The following C1orf105 variants were observed in gnomAD, a reference collection of about 807,000 sequenced individuals.
C1orf105 encodes chromosome 1 open reading frame 105.
In C1orf105, 17 loss-of-function variants were observed where a neutral mutation model predicts 20.8. The observed-to-expected ratio is 0.82, with a 90% CI of 0.56 to 1.23. The LOEUF (loss-of-function observed/expected upper bound fraction) is 1.23, where lower values mean the gene tolerates loss of function less well. Ranked by LOEUF, C1orf105 falls within the 50% of genes most tolerant of loss-of-function variation. C1orf105 has a pLI of 0.00. For missense variants in C1orf105, 219 were observed against 213.5 expected (o/e 1.03, Z -0.16); for synonymous variants, 72 against 72.1 (o/e 1.00, Z 0.01).
At chr1:172,462,091 CA>C in intron 4 of C1orf105, 86 bp from the exon 5 acceptor site, 2 of 1,002,264 alleles carry the variant, frequency 2.0e-6, no homozygotes, top group Admixed American at 4.4e-5. Context: ...ACATCAAATA[CA>C]ACACAAATTC....
chr1:172,447,784 A>G (rs1443209664), intron 2 of C1orf105, among the ~76,000 whole-genome samples: 1 of 152,222 alleles, frequency 6.6e-6, no homozygotes, highest in Non-Finnish European at 1.5e-5. Context: ...TATTTCTTGG[A>G]TGCCAGGGGC....
At chr1:172,468,368 G>T in intron 6 of C1orf105, 81 bp from the exon 7 acceptor site, 2 of 1,108,982 alleles carry the variant, frequency 1.8e-6, no homozygotes, top group Non-Finnish European at 2.5e-6. Flanking sequence ...AGTCTTTGTT[G>T]GCCTGTGGTT....
chr1:172,465,458 C>G, intron 6 of C1orf105, 95 bp downstream of exon 6: 2 of 945,642 alleles, frequency 2.1e-6, no homozygotes, highest in Non-Finnish European at 3.4e-6. Context: ...TCTAAATTTC[C>G]TGAGCAAATC....
chr1:172,467,255 G>C (rs1236059239), intron 6 of C1orf105, among the ~76,000 whole-genome samples: 1 of 152,184 alleles, frequency 6.6e-6, no homozygotes, highest in African/African-American at 2.4e-5. Flanking sequence ...CAAATGCCAA[G>C]TGACTGACTC....
chr1:172,441,574 C>G (rs944326714), intron 1 of C1orf105: 5 of 619,104 alleles, frequency 8.1e-6, no homozygotes, highest in Non-Finnish European at 1.3e-5. Context: ...AGCACCCTCA[C>G]CACCCAAGCC....
chr1:172,441,687 T>TAATC, intron 1 of C1orf105: 2 of 1,455,502 alleles, frequency 1.4e-6, no homozygotes, highest in Non-Finnish European at 1.9e-6. Context: ...GTTAGGAGGC[T>TAATC]AATCTATCAG....
chr1:172,439,444 G>A (rs2072145141), intron 1 of C1orf105, among the ~76,000 whole-genome samples: 1 of 152,066 alleles, frequency 6.6e-6, no homozygotes, highest in African/African-American at 2.4e-5. Context: ...TCTCCCCACA[G>A]CTACCACTTT....
At chr1:172,460,732 A>G (rs768259650) in intron 4 of C1orf105, among the ~76,000 whole-genome samples, 9 of 152,218 alleles carry the variant, frequency 5.9e-5, no homozygotes, top group Non-Finnish European at 8.8e-5. Flanking sequence ...AACAGAATGT[A>G]ATCAATATAA....
intron 1 of C1orf105, chr1:172,442,563 C>T (rs748493202): frequency 6.2e-7 from 1 of 1,614,094 alleles, no homozygotes; most frequent in South Asian, 1.1e-5. Flanking sequence ...AGGGCTGTCG[C>T]TCATACAAGA....
At chr1:172,429,875 C>T (rs914776647) in intron 1 of C1orf105, among the ~76,000 whole-genome samples, 1 of 152,194 alleles carries the variant, frequency 6.6e-6, no homozygotes, top group Non-Finnish European at 1.5e-5. Flanking sequence ...CCCTCCCATA[C>T]CAACTTTAAT....
chr1:172,444,313 G>A, intron 1 of C1orf105: 1 of 985,380 alleles, frequency 1.0e-6, no homozygotes, highest in Non-Finnish European at 1.2e-6. Flanking sequence ...AAGGAAAGAG[G>A]CTGGGCCAGT....
intron 1 of C1orf105, among the ~76,000 whole-genome samples, chr1:172,425,878 C>T (rs1208852580): frequency 6.6e-6 from 1 of 151,398 alleles, no homozygotes; most frequent in African/African-American, 2.4e-5. Flanking sequence ...ATTCACCCCT[C>T]CCTACCCACC....
intron 4 of C1orf105, 112 bp from the exon 5 acceptor site, chr1:172,462,066 G>A (rs1649732304): frequency 2.6e-6 from 2 of 765,514 alleles, no homozygotes; most frequent in Middle Eastern, 2.9e-4. Flanking sequence ...ACAAAAGGAT[G>A]TATGAAGGAC....
At position 172,424,798 on chromosome 1, in the gene C1orf105, T is replaced by A. The variant is rs192534676; in HGVS notation, c.21+3892T>A. Reference sequence around the variant, plus strand: ...TTTTTTTCTTTTAATGACAAAAATATTCTCAGCTACATCCACAAAATCTGC... The same window carrying A: ...TTTTTTTCTTTTAATGACAAAAATAATCTCAGCTACATCCACAAAATCTGC... On this transcript the variant is annotated intron_variant, in intron 1 of 6. Coordinates refer to ENST00000367727, the MANE Select transcript of C1orf105 (RefSeq NM_139240.4). Among the ~76,000 whole-genome samples the A allele has an allele frequency of 1.8e-3, 268 of 152,262 alleles. 1 individual carries two copies. Among genetic ancestry groups the A allele is most frequent in the Non-Finnish European group, 3.0e-3 (201 of 68,014 alleles).
intron 4 of C1orf105, among the ~76,000 whole-genome samples, chr1:172,459,447 A>G (rs1267995148): frequency 2.6e-5 from 4 of 152,190 alleles, no homozygotes; most frequent in Non-Finnish European, 5.9e-5. Flanking sequence ...AAGATACTCA[A>G]CATTATTTGT....
chr1:172,463,392 A>G (rs1186993995), intron 5 of C1orf105, among the ~76,000 whole-genome samples: 6 of 152,274 alleles, frequency 3.9e-5, no homozygotes, highest in Admixed American at 2.0e-4. Context: ...TCCTTTTATG[A>G]CCTTAGGGCC....
intron 4 of C1orf105, among the ~76,000 whole-genome samples, chr1:172,457,163 G>A (rs974925578): frequency 3.3e-5 from 5 of 152,240 alleles, no homozygotes; most frequent in East Asian, 1.9e-4. Context: ...TTAGGCCTTC[G>A]GTAATTTAAG....
intron 6 of C1orf105, chr1:172,465,569 G>C: frequency 1.5e-6 from 1 of 669,430 alleles, no homozygotes; most frequent in Non-Finnish European, 2.7e-6. Context: ...CCCTCCTCAG[G>C]CCTCACTTGC....
chr1:172,466,130 G>A (rs1650035256), intron 6 of C1orf105, among the ~76,000 whole-genome samples: 1 of 152,116 alleles, frequency 6.6e-6, no homozygotes, highest in South Asian at 2.1e-4. Flanking sequence ...ATCTTAAGAG[G>A]TTGCAGGGGA....
Sources: allele counts gnomAD v4.1 joint callset (sites outside exome capture counted in the v4.1 genomes callset), GRCh38; gene constraint gnomAD v4.1.1; transcripts MANE v1.5; gene names NCBI Gene and HGNC (gene_info 2026-07-23, HGNC 2026-07-21).